Variants in CCDC15 observed in about 807,000 individuals in gnomAD.
The protein encoded by CCDC15 is coiled-coil domain-containing protein 15.
Under a neutral mutation model 114.5 loss-of-function variants are expected in CCDC15, and 105 were observed. That is an observed-to-expected ratio of 0.92 (90% CI 0.78 to 1.08). The LOEUF (loss-of-function observed/expected upper bound fraction) is 1.08. Ranked by LOEUF, CCDC15 falls within the 50% of genes least tolerant of loss-of-function variation. CCDC15 has a pLI of 0.00. For missense variants in CCDC15, 1,105 were observed against 1,093.6 expected, an observed-to-expected ratio of 1.01 and a Z score of -0.15; for synonymous variants, 334 against 377.8, an observed-to-expected ratio of 0.88 and a Z score of 1.34.
chr11:124,990,421 A>G (rs1948247714), intron 8 of CCDC15, among the ~76,000 whole-genome samples: 1 of 152,234 alleles, frequency 6.6e-6, no homozygotes, highest in African/African-American at 2.4e-5. Context: ...GAGACATTAC[A>G]CGAGCACATG....
intron 6 of CCDC15, among the ~76,000 whole-genome samples, chr11:124,984,367 G>T (rs1315688838): frequency 6.6e-6 from 1 of 152,064 alleles, no homozygotes; most frequent in Non-Finnish European, 1.5e-5. Context: ...GGCATCTGAG[G>T]TTGCACTGCA....
chr11:124,959,611 C>T (rs547447691), intron 3 of CCDC15, among the ~76,000 whole-genome samples: 1 of 152,246 alleles, frequency 6.6e-6, no homozygotes, highest in South Asian at 2.1e-4. Flanking sequence ...ATACTTCTCT[C>T]ATAGGATTGT....
chr11:125,038,449 G>A lies in CCDC15; in HGVS notation c.2430G>A (p.Glu810=). 1 of 1,521,058 alleles carries A rather than the reference G, an allele frequency of 6.6e-7. No individual in the cohort carries two copies. The highest frequency in any genetic ancestry group is 8.8e-7 in the Non-Finnish European group (1 of 1,137,914). The allele number at this position is 1,521,058 out of a possible 1,614,324, so 94.2% of individuals were successfully genotyped here. A position where few individuals can be genotyped will look rare whatever the true frequency, so the allele number is the denominator to read the frequency against. Residue 810 remains glutamate, a synonymous_variant, in exon 14 of 16, where the codon GAG becomes GAA. Coordinates refer to ENST00000344762, the MANE Select transcript of CCDC15 (RefSeq NM_025004.3). ...KKIEKIKKKR[E]QECYAAEQRI... ...TTTTCAGAATTAAGAAAAAGAGAGA[G>A]CAAGAATGTTATGCTGCAGAGCAGA...
intron 6 of CCDC15, among the ~76,000 whole-genome samples, chr11:124,985,209 T>C (rs1458460913): frequency 6.6e-6 from 1 of 151,186 alleles, no homozygotes; most frequent in East Asian, 1.9e-4. Flanking sequence ...GCTGAATAAT[T>C]TATTGTATAG....
chr11:124,959,661 G>A (rs935155224), intron 3 of CCDC15, among the ~76,000 whole-genome samples, 154 bp from the exon 4 acceptor site: 1 of 150,644 alleles, frequency 6.6e-6, no homozygotes, highest in Non-Finnish European at 1.5e-5. Flanking sequence ...TTAGCACATG[G>A]GAGGTGCCTG....
rs755029391 is a variant in CCDC15 at position 124,986,897 on chromosome 11, A to G, written c.900+9A>G. ...CTTTCAGCAGAGTTCAGGTAAAGCA[A>G]TAAGAGAAATTAAATTAATTGTGAT... On this transcript the variant is annotated intron_variant, in intron 7 of 15. Transcript: ENST00000344762. 2.0e-6 allele frequency: 3 copies of G among 1,531,948 alleles called. No individual in the cohort carries two copies. Among genetic ancestry groups the G allele is most frequent in the South Asian group, 2.5e-5 (2 of 79,726 alleles). The allele number at this position is 1,531,948 out of a possible 1,614,324, so 94.9% of individuals were successfully genotyped here. A position where few individuals can be genotyped will look rare whatever the true frequency, so the allele number is the denominator to read the frequency against.
intron 13 of CCDC15, among the ~76,000 whole-genome samples, chr11:125,012,386 A>G (rs767357158): frequency 1.3e-5 from 2 of 152,340 alleles, no homozygotes; most frequent in South Asian, 2.1e-4. Context: ...TTTATCTTCC[A>G]TATCATAGGC....
chr11:125,026,307 G>A lies in CCDC15; in HGVS notation c.2412-12124G>A, dbSNP rs544105139. On this transcript the variant is annotated intron_variant, in intron 13 of 15. Transcript: ENST00000344762. Reference sequence around the variant, plus strand: ...CTAAATGCACCTTCTTTGGCCACTGGCTGAGTTCTGCCTGGTGTTAGCAGC... The same window carrying A: ...CTAAATGCACCTTCTTTGGCCACTGACTGAGTTCTGCCTGGTGTTAGCAGC... Among the ~76,000 whole-genome samples, 22 of 152,268 alleles carry A rather than the reference G, an allele frequency of 1.4e-4. No individual in the cohort carries two copies. The South Asian group carries it at 3.5e-3, about 24-fold the overall frequency.
chr11:124,965,933 C>G (rs184525709), intron 4 of CCDC15, among the ~76,000 whole-genome samples: 7 of 152,266 alleles, frequency 4.6e-5, no homozygotes, highest in African/African-American at 1.4e-4. Flanking sequence ...TGTCCAGTTT[C>G]CATGTAGTTG....
chr11:124,965,609 T>C (rs1947762467), intron 4 of CCDC15, among the ~76,000 whole-genome samples: 1 of 152,230 alleles, frequency 6.6e-6, no homozygotes, highest in South Asian at 2.1e-4. Flanking sequence ...GATTCATTGA[T>C]TCTTTGAAGG....
intron 13 of CCDC15, among the ~76,000 whole-genome samples, chr11:125,026,633 G>A (rs1051313427): frequency 2.6e-5 from 4 of 152,134 alleles, no homozygotes; most frequent in African/African-American, 9.7e-5. Context: ...ATCTTGCCCT[G>A]CTTCGTCCAA....
At chr11:125,022,227 T>C (rs550411850) in intron 13 of CCDC15, among the ~76,000 whole-genome samples, 1 of 152,076 alleles carries the variant, frequency 6.6e-6, no homozygotes, top group South Asian at 2.1e-4. Flanking sequence ...TTTTCTATAT[T>C]ACCTTCCTCA....
chr11:124,966,576 T>A (rs1947787941), intron 4 of CCDC15, among the ~76,000 whole-genome samples: 1 of 152,210 alleles, frequency 6.6e-6, no homozygotes, highest in Non-Finnish European at 1.5e-5. Flanking sequence ...AGCACACTGA[T>A]GGTCTTGACT....
intron 11 of CCDC15, among the ~76,000 whole-genome samples, chr11:124,997,858 C>CAGGGG (rs1948402454): frequency 1.3e-5 from 2 of 152,126 alleles, no homozygotes; most frequent in African/African-American, 2.4e-5. Context: ...ACAAGAATCA[C>CAGGGG]TTGAACTCAG....
chr11:125,030,526 C>T lies in CCDC15; in HGVS notation c.2412-7905C>T, dbSNP rs145068934. 4.5e-3 allele frequency among the ~76,000 whole-genome samples: 687 copies of T among 152,292 alleles called. 5 individuals carry two copies. Among genetic ancestry groups the T allele is most frequent in the African/African-American group, 0.016 (653 of 41,560 alleles). On this transcript the variant is annotated intron_variant, in intron 13 of 15. Transcript: ENST00000344762. ...AAGCATTGTGTGCAGGATAGGCAAA[C>T]CCATATCCAGAGTAAGTGTGTATTC...
chr11:124,981,295 G>A (rs1330184459), intron 6 of CCDC15, among the ~76,000 whole-genome samples: 1 of 152,138 alleles, frequency 6.6e-6, no homozygotes, highest in African/African-American at 2.4e-5. Flanking sequence ...GGTCCATTTA[G>A]TCAAGTGTTG....
chr11:124,991,904 G>A (rs1209996164), intron 9 of CCDC15, among the ~76,000 whole-genome samples: 1 of 152,072 alleles, frequency 6.6e-6, no homozygotes, highest in African/African-American at 2.4e-5. Context: ...GGCGGGTCTC[G>A]AACTCCTGAC....
chr11:124,986,682 TG>T, intron 6 of CCDC15, 59 bp from the exon 7 acceptor site: 3 of 1,387,826 alleles, frequency 2.2e-6, no homozygotes, highest in Non-Finnish European at 2.9e-6. Context: ...TGTGTGTGTG[TG>T]TGTGTGTTTG....
chr11:124,976,248 A>G (rs1947971340), intron 5 of CCDC15, among the ~76,000 whole-genome samples: 1 of 149,652 alleles, frequency 6.7e-6, no homozygotes, highest in African/African-American at 2.4e-5. Flanking sequence ...TAGATATATA[A>G]TTTTGTATTT....
Sources: gnomAD v4.1 joint callset for allele counts (sites outside exome capture counted in the v4.1 genomes callset) on GRCh38, gnomAD v4.1.1 for gene constraint, MANE v1.5 for transcripts, NCBI Gene and HGNC (gene_info 2026-07-23, HGNC 2026-07-21) for gene names.